The following TLN2 variants were observed in gnomAD, a reference collection of about 807,000 sequenced individuals.
The protein encoded by TLN2 is talin-2.
In TLN2, 118 loss-of-function variants were observed where a neutral mutation model predicts 294.7. That is an observed-to-expected ratio of 0.40 (90% confidence interval 0.34 to 0.47). The LOEUF is 0.47. Ranked by LOEUF, TLN2 falls within the 20% of genes least tolerant of loss-of-function variation. The probability of loss-of-function intolerance (pLI) is 0.84; values close to 1 mark genes in which losing one functional copy is unlikely to be tolerated. For missense variants in TLN2, 3,083 were observed against 3,282.2 expected (o/e 0.94, Z 1.48); for synonymous variants, 1,431 against 1,304.5 (o/e 1.10, Z -2.09).
intron 14 of TLN2, among the ~76,000 whole-genome samples, chr15:62,695,101 A>C (rs28373135): frequency 0.096 from 14,542 of 152,224 alleles, 1,403 homozygotes; most frequent in African/African-American, 0.25. Flanking sequence ...GGTATTCTTA[A>C]TTTAGCCCCA....
At chr15:62,787,988 A>G (rs2064814440) in intron 45 of TLN2, among the ~76,000 whole-genome samples, 1 of 144,926 alleles carries the variant, frequency 6.9e-6, no homozygotes, top group Admixed American at 6.9e-5. Flanking sequence ...CACTGTGGCC[A>G]GTCTAAATCT....
rs149822132 is a variant in TLN2, at chr15:62,797,611, G to A, written c.6234+209G>A. 1.1e-3 allele frequency among the ~76,000 whole-genome samples: 160 copies of A among 152,316 alleles called. 2 individuals carry two copies. The highest frequency in any genetic ancestry group is 3.5e-3 in the African/African-American group (144 of 41,566). On this transcript the variant is annotated intron_variant, in intron 48 of 58. Coordinates refer to ENST00000636159, the MANE Select transcript of TLN2 (RefSeq NM_015059.3). ...GGTGGCCATGGGGATGGAGACAAGC[G>A]GAGGGATTTGAGAAGAGTCTAGAAG...
At chr15:62,511,035 C>G (rs190942382) in intron 1 of TLN2, among the ~76,000 whole-genome samples, 97 of 152,310 alleles carry the variant, frequency 6.4e-4, no homozygotes, top group African/African-American at 2.3e-3. Context: ...CTGTTCATAT[C>G]TCACCCAATG....
chr15:62,702,058 C>A lies in TLN2; in HGVS notation c.1763C>A (p.Thr588Lys), dbSNP rs776572724. The A allele has an allele frequency of 1.9e-6, 3 of 1,614,098 alleles. No individual in the cohort carries two copies. The highest frequency in any genetic ancestry group is 2.7e-5 in the African/African-American group (2 of 74,938). ...ATCACCACTATTTCTTCCAACCTGA[C>A]GGAGATGTCCAAGGGTGTGAAGCTA... The part of the protein sequence containing the change: ...CAITTISSNL[T>K]EMSKGVKLLA... Residue 588 changes from threonine to lysine, a missense_variant, in exon 18 of 59, where the codon ACG (threonine) becomes AAG (lysine). Transcript: ENST00000636159.
chr15:62,415,909 G>C (rs2034052630), intron 1 of TLN2, among the ~76,000 whole-genome samples: 1 of 152,240 alleles, frequency 6.6e-6, no homozygotes, highest in African/African-American at 2.4e-5. Context: ...CCCTATTTTA[G>C]TTGAAGATGT....
intron 3 of TLN2, among the ~76,000 whole-genome samples, chr15:62,631,577 T>TTTCC (rs1567221968): frequency 2.6e-4 from 26 of 101,346 alleles, no homozygotes; most frequent in Non-Finnish European, 4.9e-4. Flanking sequence ...CTTTCCTTTC[T>TTTCC]TTCTCTCTCT....
intron 1 of TLN2, among the ~76,000 whole-genome samples, chr15:62,520,298 A>G (rs919733437): frequency 1.3e-5 from 2 of 152,212 alleles, no homozygotes; most frequent in Admixed American, 6.5e-5. Context: ...ATTGTTGTAC[A>G]GTTGTATGCC....
intron 1 of TLN2, among the ~76,000 whole-genome samples, chr15:62,548,516 C>T (rs2042119794): frequency 6.6e-6 from 1 of 152,138 alleles, no homozygotes; most frequent in South Asian, 2.1e-4. Flanking sequence ...GCCTAGATTT[C>T]CTGGTGCTCA....
chr15:62,562,366 G>T (rs991050339), intron 1 of TLN2, among the ~76,000 whole-genome samples: 4 of 152,048 alleles, frequency 2.6e-5, no homozygotes, highest in Non-Finnish European at 5.9e-5. Flanking sequence ...CTGGGTTGTG[G>T]CCCTCGTCCT....
intron 15 of TLN2, among the ~76,000 whole-genome samples, chr15:62,698,498 C>T (rs1213371385): frequency 6.6e-6 from 1 of 152,198 alleles, no homozygotes; most frequent in Non-Finnish European, 1.5e-5. Context: ...GCCTTCTTGT[C>T]AGCTAATTAA....
intron 2 of TLN2, among the ~76,000 whole-genome samples, chr15:62,603,285 G>T (rs1037558383): frequency 4.6e-5 from 7 of 151,792 alleles, no homozygotes; most frequent in Middle Eastern, 3.2e-3. Context: ...CGTTGTAGTG[G>T]TTTTTTTTTA....
rs2058468667 is a variant in TLN2, at chr15:62,697,984, C to T, written c.1473+116C>T. ...GAACGCTCTCTATTTCCCGGCTGAACCATGCCTCGTTCAGCTGTGCATTTT... is the reference window on the plus strand; with the variant it reads ...GAACGCTCTCTATTTCCCGGCTGAATCATGCCTCGTTCAGCTGTGCATTTT... On this transcript the variant is annotated intron_variant, in intron 15 of 58. Transcript: ENST00000636159. 17 of 1,303,462 alleles carry T rather than the reference C, an allele frequency of 1.3e-5. No homozygotes were observed. The South Asian group carries it at 1.6e-4, about 13-fold the overall frequency. 80.7% of individuals were successfully genotyped at this position (1,303,462 alleles called of 1,614,324 possible). A position where few individuals can be genotyped will look rare whatever the true frequency, so the allele number is the denominator to read the frequency against.
chr15:62,740,047 G>T (rs72755895), intron 31 of TLN2, among the ~76,000 whole-genome samples: 3,404 of 136,140 alleles, frequency 0.025, 45 homozygotes, highest in African/African-American at 0.034. Context: ...TGTGTTTTTT[G>T]TTTTTTTTTT....
intron 1 of TLN2, among the ~76,000 whole-genome samples, chr15:62,461,583 A>G (rs1329576869): frequency 6.6e-6 from 1 of 152,236 alleles, no homozygotes; most frequent in African/African-American, 2.4e-5. Context: ...TTGAGTAAAT[A>G]GTTACTGAGC....
intron 19 of TLN2, among the ~76,000 whole-genome samples, chr15:62,704,489 G>A (rs2058930298): frequency 6.6e-6 from 1 of 152,210 alleles, no homozygotes; most frequent in African/African-American, 2.4e-5. Flanking sequence ...ATGGGATCAT[G>A]TATGTTGTGA....
At position 62,766,925 on chromosome 15, in the gene TLN2, G is replaced by A. The variant is rs985006217; in HGVS notation, c.5196+503G>A. Among the ~76,000 whole-genome samples, 6 of 152,310 alleles carry A rather than the reference G, an allele frequency of 3.9e-5. No homozygotes were observed. In the South Asian group the frequency reaches 6.2e-4, roughly 16 times the overall value. ...CCTAGGTGTCCACTCCAGGGGAGCCGTTCAGCTGGGGATTCATACCCACAT... is the reference window on the plus strand; with the variant it reads ...CCTAGGTGTCCACTCCAGGGGAGCCATTCAGCTGGGGATTCATACCCACAT... On this transcript the variant is annotated intron_variant, in intron 41 of 58. Coordinates refer to ENST00000636159, the MANE Select transcript of TLN2 (RefSeq NM_015059.3).
At chr15:62,589,077 G>A (rs1470350302) in intron 1 of TLN2, among the ~76,000 whole-genome samples, 1 of 151,948 alleles carries the variant, frequency 6.6e-6, no homozygotes, top group Non-Finnish European at 1.5e-5. Context: ...ATTCTGTTTC[G>A]TAGATAACGT....
At chr15:62,812,156 C>T (rs894987228) in intron 52 of TLN2, among the ~76,000 whole-genome samples, 1 of 152,086 alleles carries the variant, frequency 6.6e-6, no homozygotes, top group Admixed American at 6.6e-5. Flanking sequence ...TGGGAGCTCT[C>T]CCCCTATGCT....
At position 62,407,923 on chromosome 15, in the gene TLN2, AAAAT is replaced by A. The variant is rs10626679; in HGVS notation, c.-238+17270_-238+17273del. 3.2e-3 allele frequency among the ~76,000 whole-genome samples: 469 copies of A among 148,646 alleles called. 3 individuals are homozygous for A. Among genetic ancestry groups the A allele is most frequent in the African/African-American group, 0.01 (415 of 40,288 alleles). On this transcript the variant is annotated intron_variant, in intron 1 of 58. Coordinates refer to ENST00000636159, the MANE Select transcript of TLN2 (RefSeq NM_015059.3). ...GAGTGAGAGAGTGAGACTCTGTCTC[AAAAT>A]AAATAAATAAATAAATAAATAAATA...
Sources: allele counts gnomAD v4.1 joint callset (sites outside exome capture counted in the v4.1 genomes callset), GRCh38; gene constraint gnomAD v4.1.1; transcripts MANE v1.5; gene names NCBI Gene and HGNC (gene_info 2026-07-23, HGNC 2026-07-21).